RBM26: variants seen among roughly 807,000 people sequenced by gnomAD.
The protein encoded by RBM26 is RNA-binding protein 26.
Under a neutral mutation model 123.6 loss-of-function variants are expected in RBM26, and 30 were observed. That is an observed-to-expected ratio of 0.24 (90% CI 0.18 to 0.33). The LOEUF is 0.33. Ranked by LOEUF, RBM26 falls within the 10% of genes least tolerant of loss-of-function variation. The probability of loss-of-function intolerance (pLI) is 1.00; values close to 1 mark genes in which losing one functional copy is unlikely to be tolerated. For synonymous variants in RBM26, 400 were observed against 404.4 expected, an observed-to-expected ratio of 0.99 and a Z score of 0.13; for missense variants, 947 against 1,203.6, an observed-to-expected ratio of 0.79 and a Z score of 3.15.
rs113606581 is a variant in RBM26 at position 79,351,071 on chromosome 13, G to C, written c.2058+2082C>G. On this transcript the variant is annotated intron_variant, in intron 14 of 21. Transcript: ENST00000438737. Reference sequence around the variant, plus strand: ...TTTATTGCATTAGCATAATATATGGGTATATATATTAGTCTATGCATTAGT... The same window carrying C: ...TTTATTGCATTAGCATAATATATGGCTATATATATTAGTCTATGCATTAGT... Among the ~76,000 whole-genome samples the C allele has an allele frequency of 7.8e-3, 1,188 of 152,002 alleles. 25 individuals carry two copies. Among genetic ancestry groups the C allele is most frequent in the African/African-American group, 0.026 (1,098 of 41,472 alleles).
intron 9 of RBM26, among the ~76,000 whole-genome samples, chr13:79,361,539 C>T (rs564415002): frequency 5.9e-5 from 9 of 152,120 alleles, no homozygotes; most frequent in Non-Finnish European, 1.3e-4. Flanking sequence ...TTTACTTGCT[C>T]GTGCTAAAAT....
intron 20 of RBM26, among the ~76,000 whole-genome samples, chr13:79,327,302 A>C (rs2068578509): frequency 6.6e-6 from 1 of 152,046 alleles, no homozygotes; most frequent in Non-Finnish European, 1.5e-5. Context: ...TCTCAAAAAA[A>C]AAAAAAAAAA....
intron 3 of RBM26, among the ~76,000 whole-genome samples, chr13:79,374,264 T>C (rs1263298627): frequency 1.3e-5 from 2 of 152,012 alleles, no homozygotes. Context: ...AGGTCAGCAG[T>C]TTAAGACCAG....
chr13:79,377,318 C>CA (rs1233961577), intron 3 of RBM26, 61 bp downstream of exon 3: 1 of 1,451,826 alleles, frequency 6.9e-7, no homozygotes, highest in Non-Finnish European at 9.6e-7. Context: ...GATAAAAACT[C>CA]AGTTTGGTTA....
At chr13:79,395,135 C>T (rs1200934508) in intron 1 of RBM26, among the ~76,000 whole-genome samples, 1 of 152,140 alleles carries the variant, frequency 6.6e-6, no homozygotes, top group Admixed American at 6.5e-5. Flanking sequence ...AGTCCTTTTA[C>T]ACAAAAGATC....
intron 14 of RBM26, among the ~76,000 whole-genome samples, chr13:79,351,768 A>T (rs1449455321): frequency 6.6e-6 from 1 of 152,194 alleles, no homozygotes; most frequent in Non-Finnish European, 1.5e-5. Context: ...ATGAGCTGTG[A>T]ATCAAGGAAA....
At chr13:79,356,369 C>CAAAAAAAA (rs72305160) in intron 11 of RBM26, among the ~76,000 whole-genome samples, 8 of 83,472 alleles carry the variant, frequency 9.6e-5, no homozygotes, top group East Asian at 2.9e-4. Context: ...GACTCTGTCT[C>CAAAAAAAA]AAAAAAAAAA....
chr13:79,373,192 T>C (rs1253120584), intron 3 of RBM26, among the ~76,000 whole-genome samples: 5 of 109,480 alleles, frequency 4.6e-5, no homozygotes, highest in Admixed American at 1.2e-4. Flanking sequence ...TATAAATATA[T>C]AAAATATATA....
chr13:79,400,254 G>A (rs910814635), intron 1 of RBM26, among the ~76,000 whole-genome samples: 3 of 152,184 alleles, frequency 2.0e-5, no homozygotes, highest in African/African-American at 7.2e-5. Flanking sequence ...ACCACAAGAT[G>A]GGTAATTTAT....
At chr13:79,380,082 A>T (rs992745831) in intron 1 of RBM26, among the ~76,000 whole-genome samples, 5 of 152,190 alleles carry the variant, frequency 3.3e-5, no homozygotes, top group African/African-American at 1.2e-4. Flanking sequence ...CAAGGTCACA[A>T]ATGCAATTTA....
At chr13:79,351,608 G>C (rs1172463152) in intron 14 of RBM26, among the ~76,000 whole-genome samples, 2 of 150,050 alleles carry the variant, frequency 1.3e-5, no homozygotes, top group East Asian at 3.9e-4. Flanking sequence ...GGGCGGCGGG[G>C]GGGGAAATGC....
intron 1 of RBM26, among the ~76,000 whole-genome samples, chr13:79,404,063 G>A (rs1254479419): frequency 6.6e-6 from 1 of 151,978 alleles, no homozygotes; most frequent in African/African-American, 2.4e-5. Context: ...CTATCTGCAT[G>A]ACTCCAGATT....
rs1226424403 is a variant in RBM26 at position 79,320,290 on chromosome 13, T to C, written c.*331A>G. 15 of 991,566 alleles carry C rather than the reference T, an allele frequency of 1.5e-5. No individual in the cohort carries two copies. The highest frequency in any genetic ancestry group is 1.8e-5 in the Non-Finnish European group (15 of 831,150). The allele number at this position is 991,566 out of a possible 1,614,324, so 61.4% of individuals were successfully genotyped here. A position where few individuals can be genotyped will look rare whatever the true frequency, so the allele number is the denominator to read the frequency against. On this transcript the variant is annotated 3_prime_UTR_variant, in exon 22 of 22. Transcript: ENST00000438737. ...GAATAAAACAAAGTCCTCTAAGTTA[T>C]AACAAGTATTGGTCATAAGTTTTCA...
intron 8 of RBM26, 38 bp downstream of exon 8, chr13:79,366,017 G>A (rs1329274455): frequency 4.9e-6 from 2 of 411,992 alleles, no homozygotes; most frequent in Non-Finnish European, 7.1e-6. Flanking sequence ...ATCTAAAACT[G>A]TGTTACATTA....
chr13:79,360,328 T>C (rs1382288800), intron 9 of RBM26, among the ~76,000 whole-genome samples: 1 of 152,042 alleles, frequency 6.6e-6, no homozygotes, highest in Non-Finnish European at 1.5e-5. Context: ...TCAAATACAG[T>C]AATCTAAGGG....
At chr13:79,354,830 C>T (rs550695286) in intron 12 of RBM26, among the ~76,000 whole-genome samples, 4 of 152,224 alleles carry the variant, frequency 2.6e-5, no homozygotes, top group African/African-American at 7.2e-5. Flanking sequence ...TGTAATATAC[C>T]TCTATAAACA....
At chr13:79,402,014 T>A (rs1555349274) in intron 1 of RBM26, among the ~76,000 whole-genome samples, 2 of 129,360 alleles carry the variant, frequency 1.5e-5, no homozygotes, top group South Asian at 2.6e-4. Flanking sequence ...GATGTTTAGG[T>A]GTCTCTTCAG....
At chr13:79,371,405 A>C (rs910902371) in intron 4 of RBM26, among the ~76,000 whole-genome samples, 16 of 152,230 alleles carry the variant, frequency 1.1e-4, no homozygotes, top group African/African-American at 3.6e-4. Context: ...GCATCTGTAG[A>C]TAAAGGCATC....
intron 17 of RBM26, among the ~76,000 whole-genome samples, chr13:79,341,893 T>C (rs1353845730): frequency 6.6e-6 from 1 of 151,816 alleles, no homozygotes; most frequent in Non-Finnish European, 1.5e-5. Context: ...AAAAGTAATT[T>C]TAGACCACAG....
Sources: gnomAD v4.1 joint callset for allele counts (sites outside exome capture counted in the v4.1 genomes callset) on GRCh38, gnomAD v4.1.1 for gene constraint, MANE v1.5 for transcripts, NCBI Gene and HGNC (gene_info 2026-07-23, HGNC 2026-07-21) for gene names.